Variants in DAB1 observed in about 807,000 individuals in gnomAD.
DAB1 encodes the protein DAB adaptor protein 1.
In DAB1, 15 loss-of-function variants were observed where a neutral mutation model predicts 64.6. The observed-to-expected ratio is 0.23, with a 90% CI of 0.16 to 0.36. DAB1 has a LOEUF of 0.36. DAB1 is among the 10% of genes least tolerant of loss of function. The probability of loss-of-function intolerance (pLI) is 1.00; values close to 1 mark genes in which losing one functional copy is unlikely to be tolerated. For synonymous variants in DAB1, 235 were observed against 251.9 expected, an observed-to-expected ratio of 0.93 and a Z score of 0.64; for missense variants, 596 against 706.7, an observed-to-expected ratio of 0.84 and a Z score of 1.78.
intron 3 of DAB1, among the ~76,000 whole-genome samples, chr1:58,481,487 T>C (rs1645481513): frequency 2.0e-5 from 3 of 152,214 alleles, no homozygotes; most frequent in African/African-American, 7.2e-5. Flanking sequence ...AGTTAAACTC[T>C]AGCAGACCGG....
Position 57,760,351 on chromosome 1 carries a change from ACTT to A in DAB1, n.552-110689_552-110687del, listed in dbSNP as rs200119065. ...GCATATAACAGAGTCCTTAATAAAT[ACTT>A]CTTGAATTTAAAAGCTGTCAAATAA... is the stretch of plus-strand genomic sequence containing the variant. On this transcript the variant is annotated intron_variant and non_coding_transcript_variant, in intron 6 of 20. Transcript: ENST00000485760. Among the ~76,000 whole-genome samples the A allele has an allele frequency of 4.1e-3, 623 of 152,258 alleles. 2 individuals carry two copies. Among genetic ancestry groups the A allele is most frequent in the Non-Finnish European group, 7.2e-3 (492 of 68,014 alleles).
chr1:57,819,035 T>C (rs1261698075), intron 6 of DAB1, among the ~76,000 whole-genome samples: 2 of 152,182 alleles, frequency 1.3e-5, no homozygotes, highest in African/African-American at 4.8e-5. Context: ...TATATTCTCT[T>C]ACCCTCCCTT....
At chr1:57,382,346 C>T (rs1681451238) in intron 1 of DAB1, among the ~76,000 whole-genome samples, 2 of 152,142 alleles carry the variant, frequency 1.3e-5, no homozygotes, top group Admixed American at 1.3e-4. Flanking sequence ...GAATCCTTAC[C>T]TCCCAATGTT....
intron 9 of DAB1, among the ~76,000 whole-genome samples, chr1:57,055,753 G>C (rs895261109): frequency 3.3e-5 from 5 of 151,986 alleles, no homozygotes; most frequent in Non-Finnish European, 7.4e-5. Flanking sequence ...TGTTGGCTTT[G>C]AGTCCTACAA....
chr1:57,950,710 C>T (rs1056453194), intron 5 of DAB1, among the ~76,000 whole-genome samples: 2 of 152,184 alleles, frequency 1.3e-5, no homozygotes, highest in Admixed American at 6.5e-5. Flanking sequence ...ATCTGATTAT[C>T]TCCTATGTTT....
At chr1:57,381,591 A>G (rs1681382353) in intron 1 of DAB1, among the ~76,000 whole-genome samples, 1 of 152,102 alleles carries the variant, frequency 6.6e-6, no homozygotes, top group East Asian at 1.9e-4. Context: ...CAGCCCCGTC[A>G]CATCCTAACA....
At chr1:58,390,972 T>C (rs530375010) in intron 3 of DAB1, among the ~76,000 whole-genome samples, 16 of 152,170 alleles carry the variant, frequency 1.1e-4, no homozygotes, top group Non-Finnish European at 2.1e-4. Flanking sequence ...CCATATGTTA[T>C]AATAACGCAT....
intron 4 of DAB1, among the ~76,000 whole-genome samples, chr1:58,173,562 C>T (rs1656294655): frequency 6.6e-6 from 1 of 152,028 alleles, no homozygotes; most frequent in Admixed American, 6.5e-5. Context: ...GTTTTTTCTC[C>T]AATGGGAAAA....
chr1:58,102,272 T>C (rs979287463), intron 5 of DAB1, among the ~76,000 whole-genome samples: 3 of 152,134 alleles, frequency 2.0e-5, no homozygotes, highest in African/African-American at 4.8e-5. Context: ...TCCTGTTGAA[T>C]AGGACCTAGG....
At chr1:57,898,413 C>A (rs958623334) in intron 5 of DAB1, among the ~76,000 whole-genome samples, 4 of 152,102 alleles carry the variant, frequency 2.6e-5, no homozygotes, top group African/African-American at 9.7e-5. Context: ...CTTGAGAAAG[C>A]TGCTGATAGA....
intron 2 of DAB1, among the ~76,000 whole-genome samples, chr1:57,166,459 T>C (rs1368966601): frequency 6.6e-6 from 1 of 152,138 alleles, no homozygotes; most frequent in African/African-American, 2.4e-5. Flanking sequence ...CTTTGAAAAC[T>C]GAAACAAGTA....
At chr1:58,088,154 A>T (rs910772290) in intron 5 of DAB1, among the ~76,000 whole-genome samples, 2 of 152,248 alleles carry the variant, frequency 1.3e-5, no homozygotes, top group Admixed American at 6.5e-5. Flanking sequence ...TAGGGAACAC[A>T]ACAGAAGTCA....
intron 2 of DAB1, among the ~76,000 whole-genome samples, chr1:57,234,772 G>T (rs1667967364): frequency 6.6e-6 from 1 of 152,154 alleles, no homozygotes. Context: ...AGTTCATCCA[G>T]GCTATTGGCA....
intron 5 of DAB1, among the ~76,000 whole-genome samples, chr1:57,925,687 A>G (rs539984328): frequency 6.6e-6 from 1 of 152,350 alleles, no homozygotes; most frequent in East Asian, 1.9e-4. Flanking sequence ...TGAGGCCCAA[A>G]GACGGAAAAT....
chr1:58,533,965 T>C (rs1158076247), intron 1 of DAB1: 9 of 872,398 alleles, frequency 1.0e-5, no homozygotes, highest in African/African-American at 1.6e-5. Context: ...CATGCCCAAG[T>C]ACTGCATGTG....
chr1:57,505,599 C>T (rs1171400717), intron 7 of DAB1, among the ~76,000 whole-genome samples: 5 of 152,148 alleles, frequency 3.3e-5, no homozygotes, highest in Admixed American at 6.5e-5. Context: ...TTCTATAATT[C>T]TTGTACTTCT....
intron 6 of DAB1, among the ~76,000 whole-genome samples, chr1:57,731,269 G>A (rs1332511687): frequency 6.6e-6 from 1 of 152,170 alleles, no homozygotes; most frequent in Non-Finnish European, 1.5e-5. Context: ...TAGAATATTA[G>A]TCAAACTCAT....
chr1:58,241,274 C>T (rs534616280), intron 4 of DAB1, among the ~76,000 whole-genome samples: 24 of 151,926 alleles, frequency 1.6e-4, no homozygotes, highest in Middle Eastern at 6.8e-3. Flanking sequence ...CATGTGATGC[C>T]ATATACACAA....
chr1:57,410,681 C>T (rs1393547421), intron 1 of DAB1, among the ~76,000 whole-genome samples: 1 of 152,216 alleles, frequency 6.6e-6, no homozygotes. Flanking sequence ...TCCACTGATA[C>T]ATTCTGAACA....
Sources: gnomAD v4.1 joint callset for allele counts (sites outside exome capture counted in the v4.1 genomes callset) on GRCh38, gnomAD v4.1.1 for gene constraint, MANE v1.5 for transcripts, NCBI Gene and HGNC (gene_info 2026-07-23, HGNC 2026-07-21) for gene names.